The following SUGCT variants were observed in gnomAD, a reference collection of about 807,000 sequenced individuals.
SUGCT encodes the protein succinyl-CoA:glutarate-CoA transferase, also known as succinyl-CoA:glutarate CoA-transferase.
A neutral mutation model predicts 55.0 loss-of-function variants in SUGCT; 41 were observed. The observed-to-expected ratio is 0.74, with a 90% CI of 0.58 to 0.97. The LOEUF (loss-of-function observed/expected upper bound fraction) is 0.97. Ranked by LOEUF, SUGCT falls within the 50% of genes least tolerant of loss-of-function variation. The pLI, the probability that SUGCT is intolerant of heterozygous loss-of-function variation, is 0.00. For synonymous variants in SUGCT, 187 were observed against 200.4 expected, an observed-to-expected ratio of 0.93 and a Z score of 0.56; for missense variants, 568 against 547.8, an observed-to-expected ratio of 1.04 and a Z score of -0.37.
rs549204572 is a variant in SUGCT at position 40,517,341 on chromosome 7, T to A, written c.1089+20955T>A. Among the ~76,000 whole-genome samples the A allele has an allele frequency of 5.0e-4, 76 of 152,120 alleles. 1 individual carries two copies. Among genetic ancestry groups the A allele is most frequent in the Middle Eastern group, 3.4e-3 (1 of 294 alleles). Reference sequence around the variant, plus strand: ...TGTCTTTTTCTTTTCTTTTCTTATCTTTTTCTTTCTTGATCTCCCTGGATA... The same window carrying A: ...TGTCTTTTTCTTTTCTTTTCTTATCATTTTCTTTCTTGATCTCCCTGGATA... On this transcript the variant is annotated intron_variant, in intron 12 of 13. Transcript: ENST00000335693.
chr7:40,286,878 C>T (rs1475783379), intron 8 of SUGCT, among the ~76,000 whole-genome samples: 1 of 152,034 alleles, frequency 6.6e-6, no homozygotes, highest in Non-Finnish European at 1.5e-5. Flanking sequence ...GACATTGGGC[C>T]AAGCCTGTAG....
At chr7:41,006,133 G>C in the SUGCT span, among the ~76,000 whole-genome samples, 2 of 152,168 alleles carry the variant, frequency 1.3e-5, no homozygotes, top group African/African-American at 4.8e-5. Context: ...TTCAGAGACA[G>C]GCTGTAACAA....
At chr7:40,135,262 T>G in intron 1 of SUGCT, 142 bp downstream of exon 1, 11 of 1,076,516 alleles carry the variant, frequency 1.0e-5, no homozygotes, top group Admixed American at 3.6e-5. Flanking sequence ...TGCAACCCCG[T>G]TCCGTGGGCC....
intron 6 of SUGCT, among the ~76,000 whole-genome samples, chr7:40,224,108 T>C (rs530541559): frequency 6.6e-6 from 1 of 152,324 alleles, no homozygotes; most frequent in East Asian, 1.9e-4. Context: ...TGAAATTTGA[T>C]TTTGCTCCTG....
intron 12 of SUGCT, among the ~76,000 whole-genome samples, chr7:40,515,438 A>T (rs1193718442): frequency 6.6e-6 from 1 of 152,250 alleles, no homozygotes; most frequent in East Asian, 1.9e-4. Context: ...GGACATTTTC[A>T]TAACTGCTAA....
chr7:40,227,272 C>CTCCTGA (rs1306143539), intron 6 of SUGCT, among the ~76,000 whole-genome samples: 1 of 151,924 alleles, frequency 6.6e-6, no homozygotes, highest in African/African-American at 2.4e-5. Context: ...TGGTCTGGAA[C>CTCCTGA]TCCTGACCTC....
chr7:40,883,392 C>T, the SUGCT span, among the ~76,000 whole-genome samples: 1 of 152,112 alleles, frequency 6.6e-6, no homozygotes, highest in African/African-American at 2.4e-5. Flanking sequence ...CTTCGAGTTT[C>T]TTTTATTTGA....
chr7:40,633,167 A>G (rs983536097), intron 12 of SUGCT, among the ~76,000 whole-genome samples: 1 of 152,234 alleles, frequency 6.6e-6, no homozygotes, highest in African/African-American at 2.4e-5. Context: ...AATTGTGTAT[A>G]TCTTACTCAT....
At chr7:40,200,905 G>A (rs1786558268) in intron 6 of SUGCT, among the ~76,000 whole-genome samples, 1 of 152,094 alleles carries the variant, frequency 6.6e-6, no homozygotes, top group South Asian at 2.1e-4. Context: ...AGAATGGTGA[G>A]CCCAAATGGA....
chr7:40,358,902 C>T (rs1424961134), intron 9 of SUGCT, among the ~76,000 whole-genome samples: 1 of 152,136 alleles, frequency 6.6e-6, no homozygotes, highest in African/African-American at 2.4e-5. Flanking sequence ...TACAACATCC[C>T]CCAAGTTATG....
chr7:40,915,035 G>T, the SUGCT span, among the ~76,000 whole-genome samples: 21 of 152,152 alleles, frequency 1.4e-4, no homozygotes, highest in Admixed American at 1.2e-3. Context: ...TAATCAGGAA[G>T]ATAGGGATCG....
intron 13 of SUGCT, among the ~76,000 whole-genome samples, chr7:40,842,287 T>A (rs576061283): frequency 2.0e-5 from 3 of 152,150 alleles, no homozygotes; most frequent in African/African-American, 7.2e-5. Flanking sequence ...ATAAGACTTA[T>A]GTTTTCCAAG....
At chr7:40,994,839 G>C in the SUGCT span, among the ~76,000 whole-genome samples, 11 of 152,114 alleles carry the variant, frequency 7.2e-5, no homozygotes, top group Non-Finnish European at 1.0e-4. Context: ...TTGTTTAAAA[G>C]AGCACGCACT....
chr7:40,795,944 T>C (rs1790533629), intron 13 of SUGCT, among the ~76,000 whole-genome samples: 2 of 152,176 alleles, frequency 1.3e-5, no homozygotes, highest in Non-Finnish European at 2.9e-5. Context: ...TATGTGATCT[T>C]TTACTTGAAA....
At chr7:40,330,391 G>C (rs976319532) in intron 9 of SUGCT, among the ~76,000 whole-genome samples, 1 of 152,136 alleles carries the variant, frequency 6.6e-6, no homozygotes, top group Non-Finnish European at 1.5e-5. Context: ...GATGTATGAG[G>C]TTCCTAGGAA....
At chr7:40,293,156 T>C (rs924419067) in intron 8 of SUGCT, among the ~76,000 whole-genome samples, 1 of 152,216 alleles carries the variant, frequency 6.6e-6, no homozygotes, top group Non-Finnish European at 1.5e-5. Context: ...GTTTATACCA[T>C]ACTTAAGATT....
the SUGCT span, among the ~76,000 whole-genome samples, chr7:40,865,791 T>C: frequency 6.6e-6 from 1 of 152,158 alleles, no homozygotes; most frequent in African/African-American, 2.4e-5. Flanking sequence ...TGGCGGTGAA[T>C]AGTTTGTCCC....
chr7:40,593,343 G>A (rs765411257), intron 12 of SUGCT, among the ~76,000 whole-genome samples: 2 of 152,158 alleles, frequency 1.3e-5, no homozygotes, highest in Non-Finnish European at 2.9e-5. Flanking sequence ...AGAGAGGTAG[G>A]CATGGTCAAA....
chr7:40,557,134 A>G (rs1354108604), intron 12 of SUGCT, among the ~76,000 whole-genome samples: 1 of 152,232 alleles, frequency 6.6e-6, no homozygotes, highest in Non-Finnish European at 1.5e-5. Flanking sequence ...TGACAGACGG[A>G]CAAGCATATA....
Sources: allele counts gnomAD v4.1 joint callset (sites outside exome capture counted in the v4.1 genomes callset), GRCh38; gene constraint gnomAD v4.1.1; transcripts MANE v1.5; gene names NCBI Gene and HGNC (gene_info 2026-07-23, HGNC 2026-07-21).